Variants in MTMR7 observed in about 807,000 individuals in gnomAD.
MTMR7 encodes the protein myotubularin related protein 7.
In MTMR7, 76 loss-of-function variants were observed where a neutral mutation model predicts 81.2. That is an observed-to-expected ratio of 0.94 (90% CI 0.78 to 1.13). The LOEUF (loss-of-function observed/expected upper bound fraction) is 1.13. Among genes scored for constraint, MTMR7 ranks in the 50% most tolerant of loss-of-function variants. The probability of loss-of-function intolerance (pLI) is 0.00; values close to 1 mark genes in which losing one functional copy is unlikely to be tolerated. For missense variants in MTMR7, 1,044 were observed against 820.0 expected, an observed-to-expected ratio of 1.27 and a Z score of -3.34; for synonymous variants, 372 against 289.8, an observed-to-expected ratio of 1.28 and a Z score of -2.88.
intron 13 of MTMR7, 65 bp from the exon 14 acceptor site, chr8:17,300,289 T>C (rs1817031578): frequency 6.7e-7 from 1 of 1,487,370 alleles, no homozygotes. Flanking sequence ...TATATATGCA[T>C]GTCTTTAGCA....
intron 1 of MTMR7, among the ~76,000 whole-genome samples, chr8:17,404,653 G>C (rs538369903): frequency 2.4e-4 from 37 of 152,176 alleles, no homozygotes; most frequent in Middle Eastern, 3.4e-3. Flanking sequence ...CACAATCCTA[G>C]AGGAAAACAT....
chr8:17,319,182 T>A (rs1276721219), intron 7 of MTMR7, among the ~76,000 whole-genome samples: 5 of 152,196 alleles, frequency 3.3e-5, no homozygotes, highest in African/African-American at 1.2e-4. Context: ...GCACTCAAAC[T>A]CCAGCTCTGC....
chr8:17,313,785 A>C (rs151246744), intron 7 of MTMR7, among the ~76,000 whole-genome samples: 7 of 152,202 alleles, frequency 4.6e-5, no homozygotes, highest in African/African-American at 1.7e-4. Context: ...AAAATCATAT[A>C]ACTAAGTGTA....
At chr8:17,400,852 G>C (rs1585123962) in intron 1 of MTMR7, among the ~76,000 whole-genome samples, 2 of 152,276 alleles carry the variant, frequency 1.3e-5, no homozygotes, top group African/African-American at 4.8e-5. Context: ...AGAATAGATT[G>C]TCTAAGCCAA....
Position 17,413,333 on chromosome 8 carries a change from C to G in MTMR7, c.-41G>C, listed in dbSNP as rs373827872. The stretch of plus-strand genomic sequence containing the variant: ...GCAGGGTCCCGGGCGGGCGCGGCCT[C>G]ACGCACCTGCGCGCCTCTGCGGCGC... On this transcript the variant is annotated 5_prime_UTR_variant, in exon 1 of 14. Coordinates refer to ENST00000180173, the MANE Select transcript of MTMR7 (RefSeq NM_004686.5). The G allele has an allele frequency of 2.6e-5, 39 of 1,516,032 alleles. No homozygotes were observed. In the African/African-American group the frequency reaches 5.5e-4, roughly 21 times the overall value. 93.9% of individuals were successfully genotyped at this position (1,516,032 alleles called of 1,614,324 possible). A position where few individuals can be genotyped will look rare whatever the true frequency, so the allele number is the denominator to read the frequency against.
chr8:17,389,881 G>A (rs891481517), intron 1 of MTMR7, among the ~76,000 whole-genome samples: 4 of 152,094 alleles, frequency 2.6e-5, no homozygotes, highest in East Asian at 1.9e-4. Context: ...CTGAAGCTTC[G>A]ACACCAAGTC....
At chr8:17,312,060 A>AT (rs1817810383) in intron 8 of MTMR7, among the ~76,000 whole-genome samples, 1 of 152,364 alleles carries the variant, frequency 6.6e-6, no homozygotes, top group Non-Finnish European at 1.5e-5. Flanking sequence ...TATAAATAAA[A>AT]GGTAAGCGTC....
intron 1 of MTMR7, among the ~76,000 whole-genome samples, chr8:17,392,793 G>A (rs1385228953): frequency 6.6e-6 from 1 of 152,234 alleles, no homozygotes; most frequent in Non-Finnish European, 1.5e-5. Context: ...GCAGGGAGGT[G>A]AATGAGTAGG....
chr8:17,386,744 T>C (rs1725601819), intron 1 of MTMR7, among the ~76,000 whole-genome samples: 1 of 152,166 alleles, frequency 6.6e-6, no homozygotes, highest in Non-Finnish European at 1.5e-5. Flanking sequence ...TATCACTGCA[T>C]CTCACTTGGT....
At chr8:17,405,614 C>G (rs1056638043) in intron 1 of MTMR7, among the ~76,000 whole-genome samples, 17 of 152,088 alleles carry the variant, frequency 1.1e-4, no homozygotes, top group African/African-American at 3.6e-4. Context: ...TCCTCTCTTT[C>G]AAGGCTGTTC....
At chr8:17,369,740 G>C (rs905292263) in intron 3 of MTMR7, among the ~76,000 whole-genome samples, 1 of 146,880 alleles carries the variant, frequency 6.8e-6, no homozygotes, top group African/African-American at 2.5e-5. Context: ...TCACCTCCCA[G>C]GTTCACGCCA....
At chr8:17,378,238 A>G (rs995677623) in intron 1 of MTMR7, among the ~76,000 whole-genome samples, 6 of 152,164 alleles carry the variant, frequency 3.9e-5, no homozygotes, top group Admixed American at 2.6e-4. Context: ...GAAAAAAGAA[A>G]TAAGGAGGGG....
intron 7 of MTMR7, among the ~76,000 whole-genome samples, chr8:17,324,467 C>T (rs780380020): frequency 6.6e-6 from 1 of 152,188 alleles, no homozygotes; most frequent in African/African-American, 2.4e-5. Flanking sequence ...TCCATTCCAC[C>T]GCACATGCAT....
At chr8:17,316,671 A>G (rs972907021) in intron 7 of MTMR7, among the ~76,000 whole-genome samples, 3 of 152,228 alleles carry the variant, frequency 2.0e-5, no homozygotes, top group Non-Finnish European at 4.4e-5. Context: ...ATAACAATAC[A>G]ACAAAAAATA....
intron 1 of MTMR7, among the ~76,000 whole-genome samples, chr8:17,376,640 G>A (rs916933136): frequency 3.6e-4 from 54 of 151,914 alleles, no homozygotes; most frequent in Non-Finnish European, 6.9e-4. Context: ...CCTAATATGC[G>A]ATCTCATTGT....
intron 3 of MTMR7, among the ~76,000 whole-genome samples, chr8:17,369,112 T>G (rs1410651971): frequency 6.6e-6 from 1 of 152,208 alleles, no homozygotes; most frequent in Non-Finnish European, 1.5e-5. Flanking sequence ...CAGAGCACAT[T>G]TATCGCCTAG....
intron 3 of MTMR7, among the ~76,000 whole-genome samples, chr8:17,364,298 G>A (rs1400715956): frequency 6.6e-6 from 1 of 152,072 alleles, no homozygotes; most frequent in East Asian, 1.9e-4. Flanking sequence ...TTCCCAAAGT[G>A]CTGGGATCAC....
chr8:17,385,929 T>A (rs1302826718), intron 1 of MTMR7, among the ~76,000 whole-genome samples: 1 of 152,230 alleles, frequency 6.6e-6, no homozygotes, highest in African/African-American at 2.4e-5. Context: ...GAGAATGGCC[T>A]AATAGTCAAT....
At chr8:17,391,561 T>C (rs1192766218) in intron 1 of MTMR7, among the ~76,000 whole-genome samples, 2 of 152,098 alleles carry the variant, frequency 1.3e-5, no homozygotes, top group East Asian at 1.9e-4. Flanking sequence ...TATGCATCAA[T>C]AGGGTCTTTA....
Sources: gnomAD v4.1 joint callset for allele counts (sites outside exome capture counted in the v4.1 genomes callset) on GRCh38, gnomAD v4.1.1 for gene constraint, MANE v1.5 for transcripts, NCBI Gene and HGNC (gene_info 2026-07-23, HGNC 2026-07-21) for gene names.